FBRSL1: variants seen among roughly 807,000 people sequenced by gnomAD.
FBRSL1 encodes fibrosin-1-like protein.
Under a neutral mutation model 89.6 loss-of-function variants are expected in FBRSL1, and 51 were observed. The ratio of observed to expected loss-of-function variants is 0.57; its 90% CI spans 0.45 to 0.72. The LOEUF is 0.72. Ranked by LOEUF, FBRSL1 falls within the 30% of genes least tolerant of loss-of-function variation. The probability of loss-of-function intolerance (pLI) is 0.00; values close to 1 mark genes in which losing one functional copy is unlikely to be tolerated. For missense variants in FBRSL1, 1,618 were observed against 1,451.8 expected, an observed-to-expected ratio of 1.11 and a Z score of -1.86; for synonymous variants, 779 against 681.1, an observed-to-expected ratio of 1.14 and a Z score of -2.24.
At position 132,570,110 on chromosome 12, in the gene FBRSL1, CG is replaced by C; in HGVS notation, c.877del (p.Ala293ProfsTer134). 2.0e-6 allele frequency: 3 copies of C among 1,478,988 alleles called. No homozygotes were observed. Among genetic ancestry groups the C allele is most frequent in the Non-Finnish European group, 2.7e-6 (3 of 1,122,360 alleles). 91.6% of individuals were successfully genotyped at this position (1,478,988 alleles called of 1,614,324 possible). A position where few individuals can be genotyped will look rare whatever the true frequency, so the allele number is the denominator to read the frequency against. On this transcript the variant is annotated frameshift_variant, in exon 7 of 19. Transcript: ENST00000680143. LOFTEE classifies it high-confidence loss of function. ...ANPLVKKEPPAPHRHTPQPPP... is the reference protein window; with the variant it reads ...ANPLVKKEPPXPHRHTPQPPP... ...ATCCCTTGGTGAAGAAGGAACCCCCCGCCCCGCACCGCCACACCCCGCAGCC... is the reference window on the plus strand; with the variant it reads ...ATCCCTTGGTGAAGAAGGAACCCCCCCCCCGCACCGCCACACCCCGCAGCC...
At chr12:132,535,186 C>T (rs1214430670) in intron 4 of FBRSL1, among the ~76,000 whole-genome samples, 2 of 152,238 alleles carry the variant, frequency 1.3e-5, no homozygotes, top group Non-Finnish European at 2.9e-5. Flanking sequence ...ATAAATAATT[C>T]ATGAGGCAGT....
chr12:132,571,821 G>T (rs1336612125), intron 9 of FBRSL1: 1 of 325,466 alleles, frequency 3.1e-6, no homozygotes, highest in African/African-American at 2.2e-5. Context: ...TGGAGGCCCA[G>T]ACAGGCCTGA....
At chr12:132,536,302 GGTGT>G (rs1334362971) in intron 4 of FBRSL1, among the ~76,000 whole-genome samples, 1 of 146,250 alleles carries the variant, frequency 6.8e-6, no homozygotes, top group Non-Finnish European at 1.5e-5. Flanking sequence ...TACATGACGG[GGTGT>G]GTGAGTGCAT....
rs113166619 is a variant in FBRSL1, at chr12:132,567,431, G to C, written c.646-50G>C. ...TGTGGGCATTGGGCGCAAGGTCCAC[G>C]AGGATGAGGACCACCCTGACTGCCC... On this transcript the variant is annotated intron_variant, in intron 5 of 18. Coordinates refer to ENST00000680143, the MANE Select transcript of FBRSL1 (RefSeq NM_001367871.1). 5,463 of 1,535,116 alleles carry C rather than the reference G, an allele frequency of 3.6e-3. 128 individuals carry two copies. The African/African-American group carries it at 0.06, about 17-fold the overall frequency.
At chr12:132,573,745 C>T (rs2040200571) in intron 11 of FBRSL1, among the ~76,000 whole-genome samples, 1 of 152,176 alleles carries the variant, frequency 6.6e-6, no homozygotes, top group African/African-American at 2.4e-5. Context: ...ACGACCATCT[C>T]CCCTTGGCCC....
chr12:132,507,158 G>T, intron 1 of FBRSL1: 1 of 969,230 alleles, frequency 1.0e-6, no homozygotes, highest in Non-Finnish European at 1.2e-6. Context: ...GCCCTCCGTG[G>T]GGGCGGATCC....
chr12:132,493,170 G>A (rs866237378), intron 1 of FBRSL1, among the ~76,000 whole-genome samples: 7 of 152,356 alleles, frequency 4.6e-5, no homozygotes, highest in African/African-American at 7.2e-5. Context: ...GCTGCCCTGC[G>A]AGGCCACCCA....
At chr12:132,579,458 CAG>C (rs1174066584) in intron 15 of FBRSL1, among the ~76,000 whole-genome samples, 2 of 152,230 alleles carry the variant, frequency 1.3e-5, no homozygotes, top group Non-Finnish European at 2.9e-5. Context: ...TGCTAGAAAA[CAG>C]AAGTGCGTAT....
chr12:132,581,208 C>T (rs1007336595), intron 15 of FBRSL1: 2 of 985,266 alleles, frequency 2.0e-6, no homozygotes, highest in African/African-American at 1.7e-5. Context: ...CCCTGCCCCC[C>T]TTGGGGTCCC....
At chr12:132,524,585 G>A (rs148628077) in intron 2 of FBRSL1, among the ~76,000 whole-genome samples, 3,062 of 152,338 alleles carry the variant, frequency 0.02, 48 homozygotes, top group Non-Finnish European at 0.031. Flanking sequence ...GCTGGGGCGT[G>A]CTCCTGACTT....
chr12:132,516,194 T>C (rs1183482803), intron 2 of FBRSL1, among the ~76,000 whole-genome samples: 1 of 118,330 alleles, frequency 8.5e-6, no homozygotes, highest in Non-Finnish European at 1.8e-5. Flanking sequence ...CGAATAGTCT[T>C]TTTTTTTTTT....
chr12:132,528,191 G>A (rs918064509), intron 4 of FBRSL1, among the ~76,000 whole-genome samples: 2 of 152,138 alleles, frequency 1.3e-5, no homozygotes, highest in African/African-American at 4.8e-5. Flanking sequence ...ATTTGGGGGT[G>A]CGTCCTGCTC....
intron 4 of FBRSL1, among the ~76,000 whole-genome samples, chr12:132,528,763 G>A (rs2036015176): frequency 1.3e-5 from 2 of 151,786 alleles, no homozygotes; most frequent in South Asian, 4.2e-4. Flanking sequence ...GTGTTTCAGG[G>A]TGTGCCCGGG....
rs572861841 is a variant in FBRSL1, at chr12:132,555,478, G to A, written c.645+7446G>A. 2.7e-4 allele frequency among the ~76,000 whole-genome samples: 40 copies of A among 148,828 alleles called. 2 individuals carry two copies. Among genetic ancestry groups the A allele is most frequent in the Non-Finnish European group, 5.4e-4 (36 of 66,746 alleles). On this transcript the variant is annotated intron_variant, in intron 5 of 18. Transcript: ENST00000680143. Reference sequence around the variant, plus strand: ...CGTGAGCGTGGCCTCCACGGTAGCCGCCCCACCCGAGCGTGAGCGTGGCCT... The same window carrying A: ...CGTGAGCGTGGCCTCCACGGTAGCCACCCCACCCGAGCGTGAGCGTGGCCT...
intron 18 of FBRSL1, 137 bp from the exon 19 acceptor site, chr12:132,582,834 G>A: frequency 1.6e-6 from 1 of 626,716 alleles, no homozygotes; most frequent in South Asian, 3.3e-5. Flanking sequence ...CTGTGGGGGT[G>A]CGGGAGCTGT....
At chr12:132,507,483 G>A (rs1438052324) in intron 1 of FBRSL1, 1 of 945,872 alleles carries the variant, frequency 1.1e-6, no homozygotes, top group Non-Finnish European at 1.3e-6. Context: ...GAGTGTCCTG[G>A]GGCTGTCCGC....
rs1417431462 is a variant in FBRSL1 at position 132,546,949 on chromosome 12, C to T, written c.616-1054C>T. On this transcript the variant is annotated intron_variant, in intron 4 of 18. Coordinates refer to ENST00000680143, the MANE Select transcript of FBRSL1 (RefSeq NM_001367871.1). This position sits in a 1 kb window ranked among gnomAD's most constrained non-coding sequence, Gnocchi z 4.0. ...GTTCCCTGCATTAACCCAGTGGGCT[C>T]CACATAGGAGGGCGCCGCCCACACA... Among the ~76,000 whole-genome samples the T allele has an allele frequency of 6.6e-6, 1 of 152,236 alleles. No homozygotes were observed. The highest frequency in any genetic ancestry group is 2.4e-5 in the African/African-American group (1 of 41,472).
At chr12:132,559,925 G>GCCCCGC (rs990264539) in intron 5 of FBRSL1, 3 of 148,664 alleles carry the variant, frequency 2.0e-5, no homozygotes, top group Non-Finnish European at 3.0e-5. Context: ...GTCTGCCCGC[G>GCCCCGC]CCCCGCCCCC....
At chr12:132,538,734 A>C (rs1055716636) in intron 4 of FBRSL1, among the ~76,000 whole-genome samples, 3 of 152,294 alleles carry the variant, frequency 2.0e-5, no homozygotes, top group African/African-American at 7.2e-5. Flanking sequence ...ATTGCTTGTT[A>C]ATTGCTCATT....
Sources: allele counts gnomAD v4.1 joint callset (sites outside exome capture counted in the v4.1 genomes callset), GRCh38; gene constraint gnomAD v4.1.1; non-coding constraint Gnocchi (gnomAD v3.1); transcripts MANE v1.5; gene names NCBI Gene and HGNC (gene_info 2026-07-23, HGNC 2026-07-21).